CCDC3: variants seen among roughly 807,000 people sequenced by gnomAD.
CCDC3 encodes coiled-coil domain containing 3, also known as coiled-coil domain-containing protein 3.
CCDC3 carries 24 observed loss-of-function variants against 21.4 expected under a neutral mutation model. The ratio of observed to expected loss-of-function variants is 1.12; its 90% CI spans 0.81 to 1.58. The LOEUF is 1.58. CCDC3 is among the 40% of genes most tolerant of loss of function. The pLI is 0.00. For synonymous variants in CCDC3, 186 were observed against 166.0 expected (o/e 1.12, Z -0.93); for missense variants, 425 against 360.9 (o/e 1.18, Z -1.44).
chr10:12,991,885 T>C (rs1157195026), intron 2 of CCDC3, among the ~76,000 whole-genome samples: 2 of 152,160 alleles, frequency 1.3e-5, no homozygotes, highest in Non-Finnish European at 2.9e-5. Flanking sequence ...GAAATCCTTA[T>C]TATGGACAAA....
intron 4 of CCDC3, among the ~76,000 whole-genome samples, chr10:13,069,627 C>A (rs1836860940): frequency 6.6e-6 from 1 of 151,944 alleles, no homozygotes. Flanking sequence ...CCTGGAGTAT[C>A]CAAAAGAGAG....
chr10:12,986,164 T>C (rs1240901928), intron 2 of CCDC3, among the ~76,000 whole-genome samples: 2 of 152,220 alleles, frequency 1.3e-5, no homozygotes, highest in African/African-American at 2.4e-5. Flanking sequence ...CAAAAAGTAA[T>C]TGCAGTTTTT....
chr10:12,949,136 G>A (rs1482619415), intron 2 of CCDC3, among the ~76,000 whole-genome samples: 2 of 152,130 alleles, frequency 1.3e-5, no homozygotes, highest in African/African-American at 2.4e-5. Flanking sequence ...CTAAATAGCA[G>A]AAGAGCCAGA....
intron 2 of CCDC3, among the ~76,000 whole-genome samples, chr10:12,991,414 A>G (rs544808039): frequency 2.8e-4 from 42 of 151,960 alleles, no homozygotes; most frequent in African/African-American, 9.9e-4. Flanking sequence ...TCTGCCTCCT[A>G]GGTTCAAGCG....
intron 5 of CCDC3, among the ~76,000 whole-genome samples, chr10:13,028,612 T>C (rs532764251): frequency 1.3e-5 from 2 of 152,274 alleles, no homozygotes; most frequent in East Asian, 1.9e-4. Flanking sequence ...GGGATTTAAA[T>C]GGATTGTCCC....
chr10:13,081,273 A>G (rs1837036422), intron 3 of CCDC3, among the ~76,000 whole-genome samples: 1 of 152,104 alleles, frequency 6.6e-6, no homozygotes, highest in Non-Finnish European at 1.5e-5. Context: ...TACTTGGTTT[A>G]TCTTCCACTT....
At chr10:12,940,556 A>G (rs1169181503) in intron 2 of CCDC3, among the ~76,000 whole-genome samples, 1 of 152,144 alleles carries the variant, frequency 6.6e-6, no homozygotes, top group Non-Finnish European at 1.5e-5. Flanking sequence ...CCAAGTTTGA[A>G]TCTTAACCAC....
chr10:12,951,515 A>G (rs924809980), intron 2 of CCDC3, among the ~76,000 whole-genome samples: 8 of 152,134 alleles, frequency 5.3e-5, no homozygotes, highest in African/African-American at 1.9e-4. Flanking sequence ...GGCATCATTT[A>G]TGCAGTTTTG....
intron 4 of CCDC3, among the ~76,000 whole-genome samples, chr10:13,067,727 C>T (rs762335356): frequency 1.4e-4 from 21 of 152,328 alleles, no homozygotes; most frequent in Non-Finnish European, 2.9e-4. Flanking sequence ...TTCCCCTCCA[C>T]GAACCACCTT....
At chr10:13,057,880 CA>C (rs60858369) in intron 4 of CCDC3, 48 of 458,072 alleles carry the variant, frequency 1.0e-4, no homozygotes, top group Non-Finnish European at 1.3e-4. Flanking sequence ...GACTCTGTCT[CA>C]AAAAAAAGTT....
At chr10:12,951,254 T>C (rs1265006965) in intron 2 of CCDC3, among the ~76,000 whole-genome samples, 1 of 152,158 alleles carries the variant, frequency 6.6e-6, no homozygotes, top group East Asian at 1.9e-4. Context: ...TGTGCACCTG[T>C]AGTCCCAGGT....
chr10:12,998,208 G>C (rs1835791360), intron 2 of CCDC3, 130 bp downstream of exon 2: 2 of 907,942 alleles, frequency 2.2e-6, no homozygotes, highest in South Asian at 2.2e-5. Flanking sequence ...AGGAGAGAGA[G>C]AGGGCATACG....
At chr10:12,930,674 C>G (rs565667027) in intron 2 of CCDC3, among the ~76,000 whole-genome samples, 2 of 152,246 alleles carry the variant, frequency 1.3e-5, no homozygotes, top group South Asian at 4.2e-4. Context: ...TCGGAAATAC[C>G]TTTCATTGTG....
intron 4 of CCDC3, among the ~76,000 whole-genome samples, chr10:13,069,335 G>T (rs982878009): frequency 1.9e-4 from 29 of 152,276 alleles, no homozygotes; most frequent in Middle Eastern, 6.8e-3. Context: ...TTATTATATG[G>T]TCTTCTATAA....
intron 4 of CCDC3, among the ~76,000 whole-genome samples, chr10:13,062,075 G>A (rs933335259): frequency 6.8e-6 from 1 of 148,064 alleles, no homozygotes; most frequent in Non-Finnish European, 1.5e-5. Flanking sequence ...ATAATGTTAT[G>A]CCAGATTCAG....
At chr10:13,028,965 G>A (rs1408257162) in intron 5 of CCDC3, among the ~76,000 whole-genome samples, 1 of 152,144 alleles carries the variant, frequency 6.6e-6, no homozygotes, top group Admixed American at 6.6e-5. Context: ...CCAGCTGCCA[G>A]CAGATGCTTA....
At chr10:13,057,568 GA>G (rs1427815528) in intron 4 of CCDC3, among the ~76,000 whole-genome samples, 1 of 151,586 alleles carries the variant, frequency 6.6e-6, no homozygotes, top group African/African-American at 2.4e-5. Flanking sequence ...GTCTTTATCT[GA>G]AAAATCCTCA....
chr10:12,902,579 G>A (rs1888659), intron 2 of CCDC3, among the ~76,000 whole-genome samples: 149,006 of 152,320 alleles, frequency 0.98, 72,979 homozygotes, highest in Non-Finnish European at 1. Context: ...CTGCTTGCTC[G>A]AATTTTCAAA....
At chr10:12,969,591 C>T (rs1835311052) in intron 2 of CCDC3, among the ~76,000 whole-genome samples, 1 of 150,580 alleles carries the variant, frequency 6.6e-6, no homozygotes, top group South Asian at 2.1e-4. Flanking sequence ...AAGAAGCCAA[C>T]CTAAGTGTTT....
Sources: allele counts gnomAD v4.1 joint callset (sites outside exome capture counted in the v4.1 genomes callset), GRCh38; gene constraint gnomAD v4.1.1; transcripts MANE v1.5; gene names NCBI Gene and HGNC (gene_info 2026-07-23, HGNC 2026-07-21).